The following CCDC24 variants were observed in gnomAD, a reference collection of about 807,000 sequenced individuals.
The protein encoded by CCDC24 is coiled-coil domain-containing protein 24.
CCDC24 carries 34 observed loss-of-function variants against 31.6 expected under a neutral mutation model. That is an observed-to-expected ratio of 1.08 (90% CI 0.82 to 1.43). The LOEUF (loss-of-function observed/expected upper bound fraction) is 1.43. Ranked by LOEUF, CCDC24 falls within the 40% of genes most tolerant of loss-of-function variation. CCDC24 has a pLI of 0.00. For synonymous variants in CCDC24, 175 were observed against 157.3 expected (o/e 1.11, Z -0.84); for missense variants, 426 against 391.1 (o/e 1.09, Z -0.75).
At chr1:43,993,236 T>C (rs1321297822) in intron 4 of CCDC24, among the ~76,000 whole-genome samples, 1 of 151,206 alleles carries the variant, frequency 6.6e-6, no homozygotes. Flanking sequence ...AGGCCAGGAG[T>C]TTGAGATCAG....
Position 43,996,051 on chromosome 1 carries a change from C to A in CCDC24, c.815C>A (p.Pro272His), listed in dbSNP as rs369147549. The change falls in exon 9 of 9, where the codon CCT becomes CAT. Residue 272 changes from proline to histidine, a missense_variant. By Grantham distance (77) the Pro-to-His change is moderately conservative. Coordinates refer to ENST00000372318, the MANE Select transcript of CCDC24 (RefSeq NM_152499.4). ...PAPPLEPYLRPRGQSATHRWG... is the reference protein window; with the variant it reads ...PAPPLEPYLRHRGQSATHRWG... The stretch of plus-strand genomic sequence containing the variant: ...CCTCCTCTGGAGCCCTACCTTCGAC[C>A]TCGAGGCCAGTCGGCTACCCACCGC... 8.1e-6 allele frequency: 13 copies of A among 1,614,022 alleles called. No homozygotes were observed. Among genetic ancestry groups the A allele is most frequent in the Non-Finnish European group, 1.1e-5 (13 of 1,180,030 alleles).
chr1:43,996,319 TGCCAGATCCCTGGTGTCTGGA>T lies in CCDC24; in HGVS notation c.*162_*182del, dbSNP rs1319505154. The T allele has an allele frequency of 4.3e-5, 28 of 652,262 alleles. No individual in the cohort carries two copies. Among genetic ancestry groups the T allele is most frequent in the Non-Finnish European group, 6.6e-5 (26 of 392,318 alleles). The allele number at this position is 652,262 out of a possible 1,614,324, so 40.4% of individuals were successfully genotyped here. A position where few individuals can be genotyped will look rare whatever the true frequency, so the allele number is the denominator to read the frequency against. On this transcript the variant is annotated 3_prime_UTR_variant, in exon 9 of 9. Coordinates refer to ENST00000372318, the MANE Select transcript of CCDC24 (RefSeq NM_152499.4). ...CTGTCTGGCCCTTGCCCCACCCCCT[TGCCAGATCCCTGGTGTCTGGA>T]GCTGAGTGGCCGGGCATCGGTCCCA... is the stretch of plus-strand genomic sequence containing the variant.
At chr1:43,993,072 A>T (rs1301127654) in intron 4 of CCDC24, among the ~76,000 whole-genome samples, 1 of 152,208 alleles carries the variant, frequency 6.6e-6, no homozygotes, top group African/African-American at 2.4e-5. Context: ...AAATATTCAT[A>T]AGTGGATGGC....
At chr1:43,994,002 G>T in intron 5 of CCDC24, 38 bp downstream of exon 5, 1 of 1,568,076 alleles carries the variant, frequency 6.4e-7, no homozygotes, top group Non-Finnish European at 8.8e-7. Flanking sequence ...ATAGGCAGGG[G>T]TGGAGACAAG....
At position 43,991,765 on chromosome 1, in the gene CCDC24, C is replaced by G; in HGVS notation, c.-33+19C>G. 1 of 1,351,010 alleles carries G rather than the reference C, an allele frequency of 7.4e-7. No individual in the cohort carries two copies. The highest frequency in any genetic ancestry group is 1.0e-6 in the Non-Finnish European group (1 of 977,128). The allele number at this position is 1,351,010 out of a possible 1,614,324, so 83.7% of individuals were successfully genotyped here. ...AGCACGGGTGGGGCTTGGGAGAGGG[C>G]GGGGCCCATAGAGGGGCGGGGTTTG... On this transcript the variant is annotated intron_variant, in intron 1 of 8. Transcript: ENST00000372318.
rs2085746204 is a variant in CCDC24 at position 43,991,713 on chromosome 1, A to C, written c.-66A>C. ...AAGGACTGGCAGTTCCGGAACGGGC[A>C]ATCCCAGCCGAGGGGACCAGCGGCA... On this transcript the variant is annotated 5_prime_UTR_variant, in exon 1 of 9. Transcript: ENST00000372318. The C allele has an allele frequency of 1.1e-6, 1 of 921,738 alleles. No homozygotes were observed. The highest frequency in any genetic ancestry group is 1.6e-5 in the African/African-American group (1 of 61,152). The allele number at this position is 921,738 out of a possible 1,614,324, so 57.1% of individuals were successfully genotyped here.
At position 43,996,105 on chromosome 1, in the gene CCDC24, G is replaced by T; in HGVS notation, c.869G>T (p.Arg290Met). Residue 290 changes from arginine (R) to methionine (M), a missense_variant, in exon 9 of 9, where the codon AGG (arginine) becomes ATG (methionine). Physicochemically the swap from Arg to Met is moderately conservative, Grantham distance 91. Transcript: ENST00000372318. ...GGACGGCAGCTTCAGTGCAGCCCCA[G>T]GGAAGGGCCAGCTTCCACACCCATG... Reference protein sequence around the residue: ...RWGRQLQCSPREGPASTPMSS... With the variant: ...RWGRQLQCSPMEGPASTPMSS... 1 of 1,613,598 alleles carries T rather than the reference G, an allele frequency of 6.2e-7. No individual in the cohort carries two copies. Among genetic ancestry groups the T allele is most frequent in the Non-Finnish European group, 8.5e-7 (1 of 1,179,806 alleles).
At position 43,996,009 on chromosome 1, in the gene CCDC24, A is replaced by T. The variant is rs765806040; in HGVS notation, c.773A>T (p.Gln258Leu). The change falls in exon 9 of 9, where the codon CAG becomes CTG. Residue 258 changes from glutamine (Q) to leucine (L), a missense_variant. By Grantham distance (113) the Gln-to-Leu change is moderately radical (BLOSUM62 -2). Coordinates refer to ENST00000372318, the MANE Select transcript of CCDC24 (RefSeq NM_152499.4). ...PLPLCGVAPL[Q>L]CCLPAPPLEP... The stretch of plus-strand genomic sequence containing the variant: ...CCCCTCTGCGGGGTTGCACCTCTCC[A>T]GTGCTGCCTGCCTGCACCTCCTCTG... 1.2e-6 allele frequency: 2 copies of T among 1,614,128 alleles called. No individual in the cohort carries two copies. Among genetic ancestry groups the T allele is most frequent in the Non-Finnish European group, 1.7e-6 (2 of 1,180,030 alleles).
chr1:43,994,338 T>C (rs552018089), intron 5 of CCDC24: 1 of 227,766 alleles, frequency 4.4e-6, no homozygotes, highest in Non-Finnish European at 8.9e-6. Flanking sequence ...ACCAGTTACT[T>C]GGGAGGCTGA....
At position 43,991,957 on chromosome 1, in the gene CCDC24, A is replaced by G; in HGVS notation, c.79A>G (p.Ile27Val). 6.5e-7 allele frequency: 1 copy of G among 1,533,406 alleles called. No homozygotes were observed. Among genetic ancestry groups the G allele is most frequent in the Non-Finnish European group, 8.8e-7 (1 of 1,135,708 alleles). The allele number at this position is 1,533,406 out of a possible 1,614,324, so 95.0% of individuals were successfully genotyped here. The change falls in exon 2 of 9, where the codon ATT becomes GTT. Residue 27 changes from isoleucine to valine, a missense_variant. By Grantham distance (29) the Ile-to-Val change is conservative. Transcript: ENST00000372318. Reference protein sequence around the residue: ...PLRERREVKRILGEAAVDLSL... With the variant: ...PLRERREVKRVLGEAAVDLSL... The stretch of plus-strand genomic sequence containing the variant: ...CCGGGAGCGACGCGAAGTGAAGAGG[A>G]TTCTGGGGGAGGCGGCGGTGGACCT...
chr1:43,991,982 T>G lies in CCDC24; in HGVS notation c.104T>G (p.Leu35Arg). 6.6e-7 allele frequency: 1 copy of G among 1,516,574 alleles called. No homozygotes were observed. Among genetic ancestry groups the G allele is most frequent in the Non-Finnish European group, 8.9e-7 (1 of 1,125,276 alleles). The allele number at this position is 1,516,574 out of a possible 1,614,324, so 93.9% of individuals were successfully genotyped here. The change falls in exon 2 of 9, where the codon CTG becomes CGG. Residue 35 changes from leucine to arginine, a missense_variant. Leu to Arg is a moderately radical substitution (Grantham distance 102, BLOSUM62 -2). Transcript: ENST00000372318. ...ATTCTGGGGGAGGCGGCGGTGGACC[T>G]GAGCCTGGAGCTGCGGGCGGAGGTG... ...KRILGEAAVD[L>R]SLELRAEVAM...
At position 43,992,546 on chromosome 1, in the gene CCDC24, A is replaced by G; in HGVS notation, c.326A>G (p.Gln109Arg). The G allele has an allele frequency of 6.2e-7, 1 of 1,614,226 alleles. No individual in the cohort carries two copies. The highest frequency in any genetic ancestry group is 8.5e-7 in the Non-Finnish European group (1 of 1,180,054). The change falls in exon 4 of 9, where the codon CAG becomes CGG. Residue 109 changes from glutamine (Q) to arginine (R), a missense_variant. Coordinates refer to ENST00000372318, the MANE Select transcript of CCDC24 (RefSeq NM_152499.4). Reference sequence around the variant, plus strand: ...AGGGACCAGGCCCAAGCTTGGGTCCAGTATAGCCCCAGGGTCCTGCACTTT... The same window carrying G: ...AGGGACCAGGCCCAAGCTTGGGTCCGGTATAGCCCCAGGGTCCTGCACTTT... Reference protein sequence around the residue: ...EGRDQAQAWVQYSPRVLHFAL... With the variant: ...EGRDQAQAWVRYSPRVLHFAL...
Position 43,995,910 on chromosome 1 carries a change from C to G in CCDC24, c.702-28C>G. The stretch of plus-strand genomic sequence containing the variant: ...GGTGGACTGAAGGATCAGACCACCA[C>G]CCCTCACAGTTACTCTTTCTTGTCC... On this transcript the variant is annotated intron_variant, in intron 8 of 8. Coordinates refer to ENST00000372318, the MANE Select transcript of CCDC24 (RefSeq NM_152499.4). This position sits in a 1 kb window ranked among gnomAD's most constrained non-coding sequence, Gnocchi z 4.3. 1 of 1,613,716 alleles carries G rather than the reference C, an allele frequency of 6.2e-7. No homozygotes were observed. Among genetic ancestry groups the G allele is most frequent in the Non-Finnish European group, 8.5e-7 (1 of 1,179,606 alleles).
chr1:43,996,065 G>C lies in CCDC24; in HGVS notation c.829G>C (p.Ala277Pro). 1 of 1,614,118 alleles carries C rather than the reference G, an allele frequency of 6.2e-7. No individual in the cohort carries two copies. The highest frequency in any genetic ancestry group is 8.5e-7 in the Non-Finnish European group (1 of 1,180,030). The part of the protein sequence containing the change: ...EPYLRPRGQS[A>P]THRWGRQLQC... ...CTACCTTCGACCTCGAGGCCAGTCGGCTACCCACCGCTGGGGACGGCAGCT... is the reference window on the plus strand; with the variant it reads ...CTACCTTCGACCTCGAGGCCAGTCGCCTACCCACCGCTGGGGACGGCAGCT... The change falls in exon 9 of 9, where the codon GCT becomes CCT. Residue 277 changes from alanine to proline, a missense_variant. Transcript: ENST00000372318.
chr1:43,996,196 C>T lies in CCDC24; in HGVS notation c.*36C>T, dbSNP rs954058980. ...ACCGAGTAGGCTCTGGCTTCTGCCA[C>T]AGCGCACCTGTCTGCCGCTGCCGCC... On this transcript the variant is annotated 3_prime_UTR_variant, in exon 9 of 9. Transcript: ENST00000372318. 3 of 1,482,202 alleles carry T rather than the reference C, an allele frequency of 2.0e-6. No homozygotes were observed. The African/African-American group carries it at 4.2e-5, about 21-fold the overall frequency. The allele number at this position is 1,482,202 out of a possible 1,614,324, so 91.8% of individuals were successfully genotyped here. A position where few individuals can be genotyped will look rare whatever the true frequency, so the allele number is the denominator to read the frequency against.
Position 43,993,902 on chromosome 1 carries a change from T to G in CCDC24, c.435T>G (p.Asp145Glu). 2 of 1,614,110 alleles carry G rather than the reference T, an allele frequency of 1.2e-6. No individual in the cohort carries two copies. Among genetic ancestry groups the G allele is most frequent in the Non-Finnish European group, 1.7e-6 (2 of 1,180,018 alleles). ...RGGGPSSGHR[D>E]LSIIKDQLNV... ...TCATTGCCAGCAGCGGTCACAGAGA[T>G]CTCAGCATCATCAAGGACCAACTGA... Residue 145 changes from aspartate to glutamate, a missense_variant, in exon 5 of 9, where the codon GAT (aspartate) becomes GAG (glutamate). Transcript: ENST00000372318.
At position 43,995,003 on chromosome 1, in the gene CCDC24, T is replaced by G; in HGVS notation, c.498-105T>G. 2 of 1,011,974 alleles carry G rather than the reference T, an allele frequency of 2.0e-6. No individual in the cohort carries two copies. Among genetic ancestry groups the G allele is most frequent in the Non-Finnish European group, 3.0e-6 (2 of 664,980 alleles). 62.7% of individuals were successfully genotyped at this position (1,011,974 alleles called of 1,614,324 possible). On this transcript the variant is annotated intron_variant, in intron 5 of 8. Coordinates refer to ENST00000372318, the MANE Select transcript of CCDC24 (RefSeq NM_152499.4). This position sits in a 1 kb window ranked among gnomAD's most constrained non-coding sequence, Gnocchi z 4.3. ...GCAGTGTGGGCTGAGGAAGGACAGG[T>G]TGGGTGGGGCTCCTGCTGAGGCTGG...
chr1:43,994,442 CTTT>C (rs1553157967), intron 5 of CCDC24: 6 of 143,152 alleles, frequency 4.2e-5, no homozygotes, highest in East Asian at 2.0e-4. Context: ...TTCTTTCTTT[CTTT>C]TTTTTTTTTT....
At chr1:43,993,684 A>G (rs1396156008) in intron 4 of CCDC24, 4 of 533,190 alleles carry the variant, frequency 7.5e-6, no homozygotes, top group Non-Finnish European at 1.3e-5. Flanking sequence ...ACTAAAGCTC[A>G]GAAGCGATAA....
Sources: allele counts gnomAD v4.1 joint callset (sites outside exome capture counted in the v4.1 genomes callset), GRCh38; gene constraint gnomAD v4.1.1; non-coding constraint Gnocchi (gnomAD v3.1); transcripts MANE v1.5; gene names NCBI Gene and HGNC (gene_info 2026-07-23, HGNC 2026-07-21).